The following HOXC4 variants were observed in gnomAD, a reference collection of about 807,000 sequenced individuals.
HOXC4 encodes homeobox C4, also known as homeobox protein Hox-C4.
Under a neutral mutation model 25.5 loss-of-function variants are expected in HOXC4, and 15 were observed. The observed-to-expected ratio is 0.59, with a 90% CI of 0.39 to 0.91. The LOEUF (loss-of-function observed/expected upper bound fraction) is 0.91, where lower values mean the gene tolerates loss of function less well. Among genes scored for constraint, HOXC4 ranks in the 40% least tolerant of loss-of-function variants. The pLI is 0.00. For missense variants in HOXC4, 342 were observed against 352.4 expected, an observed-to-expected ratio of 0.97 and a Z score of 0.24; for synonymous variants, 165 against 148.0, an observed-to-expected ratio of 1.11 and a Z score of -0.83.
intron 1 of HOXC4, chr12:54,028,676 C>T: frequency 6.2e-7 from 1 of 1,614,158 alleles, no homozygotes; most frequent in Non-Finnish European, 8.5e-7. Flanking sequence ...ATCTACTCGA[C>T]TCCCTTTTAT....
chr12:54,051,170 G>T (rs1937836161), upstream of HOXC4, among the ~76,000 whole-genome samples: 1 of 152,078 alleles, frequency 6.6e-6, no homozygotes, highest in East Asian at 1.9e-4. Flanking sequence ...TGAGAGTCAG[G>T]CTCACAGCTC....
At chr12:54,023,887 A>C (rs1306415649) in intron 1 of HOXC4, among the ~76,000 whole-genome samples, 1 of 152,218 alleles carries the variant, frequency 6.6e-6, no homozygotes, top group East Asian at 1.9e-4. Flanking sequence ...CCCAAACAGC[A>C]TTCCCTGCAT....
chr12:54,021,307 T>G (rs1940424833), intron 1 of HOXC4: 1 of 152,170 alleles, frequency 6.6e-6, no homozygotes, highest in Non-Finnish European at 1.5e-5. Context: ...GAACTGCGTT[T>G]TAATCCTCGT....
intron 1 of HOXC4, chr12:54,034,012 C>G (rs760565360): frequency 7.5e-6 from 5 of 666,058 alleles, no homozygotes; most frequent in East Asian, 3.0e-5. Context: ...TTGTTCGGTC[C>G]GAGCCTGGGT....
upstream of HOXC4, among the ~76,000 whole-genome samples, chr12:54,050,738 A>G (rs1474152071): frequency 6.6e-6 from 1 of 152,176 alleles, no homozygotes; most frequent in Admixed American, 6.5e-5. Flanking sequence ...TGTTTTGTAA[A>G]TGATGTAGAT....
At chr12:54,031,052 G>A (rs935112689) in intron 1 of HOXC4, among the ~76,000 whole-genome samples, 1 of 152,256 alleles carries the variant, frequency 6.6e-6, no homozygotes, top group Non-Finnish European at 1.5e-5. Flanking sequence ...ACACCCTGCG[G>A]GAAAAAGCCG....
intron 1 of HOXC4, among the ~76,000 whole-genome samples, chr12:54,027,319 T>A (rs1940764357): frequency 6.6e-6 from 1 of 152,174 alleles, no homozygotes; most frequent in Non-Finnish European, 1.5e-5. Context: ...ATAGCTCAGG[T>A]CCAGGGGCGC....
chr12:54,043,918 CTGTGTGTGTG>C (rs71444829), intron 1 of HOXC4, among the ~76,000 whole-genome samples: 5,912 of 127,276 alleles, frequency 0.046, 151 homozygotes, highest in African/African-American at 0.07. Context: ...AAAACACAGG[CTGTGTGTGTG>C]TGTGTGTGTG....
chr12:54,046,979 G>A (rs1018978005), intron 1 of HOXC4, among the ~76,000 whole-genome samples: 1 of 152,230 alleles, frequency 6.6e-6, no homozygotes, highest in Admixed American at 6.5e-5. Flanking sequence ...GCCTACTGCG[G>A]GGTAGGGGCC....
At chr12:54,049,118 G>A (rs1937785299), upstream of HOXC4, among the ~76,000 whole-genome samples, 2 of 152,202 alleles carry the variant, frequency 1.3e-5, no homozygotes, top group South Asian at 4.1e-4. Flanking sequence ...GGAAGGTGGT[G>A]GGGAACCCAA....
rs570431597 is a variant in HOXC4 at position 54,038,757 on chromosome 12, G to A, written c.-123-14403G>A. On this transcript the variant is annotated intron_variant, in intron 1 of 3. Transcript: ENST00000303406. ...AAACTAGGCTCTAAGAGCCCTAGAG[G>A]TTCCTGCTGTGAGTGGAGTGTAATT... 2.6e-5 allele frequency among the ~76,000 whole-genome samples: 4 copies of A among 152,312 alleles called. No homozygotes were observed. In the South Asian group the frequency reaches 6.2e-4, roughly 24 times the overall value.
chr12:54,037,512 A>T (rs1941206035), intron 1 of HOXC4, among the ~76,000 whole-genome samples: 2 of 152,182 alleles, frequency 1.3e-5, no homozygotes, highest in Admixed American at 1.3e-4. Flanking sequence ...GAGCAATTAG[A>T]GGAAAGAGGA....
intron 1 of HOXC4, chr12:54,017,515 T>A (rs1394187321): frequency 6.7e-6 from 1 of 149,190 alleles, no homozygotes; most frequent in African/African-American, 2.5e-5. Context: ...AAGAGGGGGC[T>A]GGCGAGAGGG....
chr12:54,036,234 G>A (rs1941183075), intron 1 of HOXC4, among the ~76,000 whole-genome samples: 1 of 152,122 alleles, frequency 6.6e-6, no homozygotes, highest in Non-Finnish European at 1.5e-5. Flanking sequence ...AATGTGGGAA[G>A]GGTCCATAAA....
At position 54,055,125 on chromosome 12, in the gene HOXC4, A is replaced by C; in HGVS notation, c.715A>C (p.Thr239Pro). The C allele has an allele frequency of 6.2e-7, 1 of 1,613,046 alleles. No homozygotes were observed. The highest frequency in any genetic ancestry group is 8.5e-7 in the Non-Finnish European group (1 of 1,179,764). The change falls in exon 2 of 2, where the codon ACC becomes CCC. Residue 239 changes from threonine to proline, a missense_variant. By Grantham distance (38) the Thr-to-Pro change is conservative. Transcript: ENST00000430889. ...GAAPSTLSAA[T>P]PGTSEDHSQS... ...TGCGCCCAGCACCCTTTCGGCAGCT[A>C]CCCCGGGTACTTCTGAAGACCACTC...
At chr12:54,028,850 G>A in intron 1 of HOXC4, 2 of 1,614,114 alleles carry the variant, frequency 1.2e-6, no homozygotes, top group Non-Finnish European at 1.7e-6. Flanking sequence ...GAGCAGGGCA[G>A]GACTGCGCCC....
intron 1 of HOXC4, among the ~76,000 whole-genome samples, chr12:54,035,790 G>A (rs1592240678): frequency 6.6e-6 from 1 of 152,232 alleles, no homozygotes; most frequent in African/African-American, 2.4e-5. Flanking sequence ...CATAGAGGGA[G>A]GGCTGAGCCC....
In HOXC4 at chr12:54,055,505, A is replaced by G. The variant is rs1385091346; in HGVS notation, c.*300A>G. The G allele has an allele frequency of 6.5e-6, 1 of 153,132 alleles. No individual in the cohort carries two copies. Among genetic ancestry groups the G allele is most frequent in the Non-Finnish European group, 1.5e-5 (1 of 68,858 alleles). 9.5% of individuals were successfully genotyped at this position (153,132 alleles called of 1,614,324 possible). ...CATTTTGGGGGGTTATTTATTTTTTAAGAAAAAAAGCTGCAAAAATTATAT... is the reference window on the plus strand; with the variant it reads ...CATTTTGGGGGGTTATTTATTTTTTGAGAAAAAAAGCTGCAAAAATTATAT... On this transcript the variant is annotated 3_prime_UTR_variant, in exon 2 of 2. Coordinates refer to ENST00000430889, the MANE Select transcript of HOXC4 (RefSeq NM_153633.3).
intron 1 of HOXC4, among the ~76,000 whole-genome samples, chr12:54,039,552 C>T (rs1271484558): frequency 3.3e-5 from 5 of 152,016 alleles, no homozygotes; most frequent in African/African-American, 1.2e-4. Flanking sequence ...TTCCTAGGAT[C>T]CCAGGGAATT....
Sources: allele counts gnomAD v4.1 joint callset (sites outside exome capture counted in the v4.1 genomes callset), GRCh38; gene constraint gnomAD v4.1.1; transcripts MANE v1.5; gene names NCBI Gene and HGNC (gene_info 2026-07-23, HGNC 2026-07-21).